FBXO38: variants seen among roughly 807,000 people sequenced by gnomAD.
FBXO38 encodes the protein F-box only protein 38.
FBXO38 carries 53 observed loss-of-function variants against 131.9 expected under a neutral mutation model. The observed-to-expected ratio is 0.40, with a 90% confidence interval of 0.32 to 0.51. FBXO38 has a LOEUF of 0.51. Ranked by LOEUF, FBXO38 falls within the 20% of genes least tolerant of loss-of-function variation. FBXO38 has a pLI of 0.53. For synonymous variants in FBXO38, 452 were observed against 505.6 expected (o/e 0.89, Z 1.42); for missense variants, 1,076 against 1,475.6 (o/e 0.73, Z 4.44).
intron 14 of FBXO38, 51 bp from the exon 15 acceptor site, chr5:148,427,162 A>G (rs374696576): frequency 1.0e-4 from 158 of 1,530,902 alleles, no homozygotes; most frequent in Middle Eastern, 1.8e-4. Context: ...TCCAGAATTT[A>G]TACTGAAATC....
At chr5:148,402,781 A>G (rs1752229395) in intron 5 of FBXO38, among the ~76,000 whole-genome samples, 1 of 152,158 alleles carries the variant, frequency 6.6e-6, no homozygotes, top group Admixed American at 6.6e-5. Context: ...AAAAGTGTAA[A>G]TATTTTCTCA....
intron 7 of FBXO38, among the ~76,000 whole-genome samples, chr5:148,408,078 G>T (rs1190947651): frequency 6.6e-6 from 1 of 151,944 alleles, no homozygotes; most frequent in Non-Finnish European, 1.5e-5. Flanking sequence ...GAGAAGACTT[G>T]AATAGAAAAG....
chr5:148,395,011 C>A, intron 2 of FBXO38, 107 bp downstream of exon 2: 1 of 1,140,820 alleles, frequency 8.8e-7, no homozygotes, highest in Non-Finnish European at 1.2e-6. Context: ...ATTTACATTT[C>A]AATTAAGTAA....
chr5:148,411,698 A>G (rs1336114799), intron 9 of FBXO38, among the ~76,000 whole-genome samples: 1 of 152,188 alleles, frequency 6.6e-6, no homozygotes, highest in African/African-American at 2.4e-5. Context: ...AAGTCAAGCC[A>G]TCCTTTTCTA....
chr5:148,439,694 C>G lies in FBXO38; in HGVS notation c.3072C>G (p.Pro1024=), dbSNP rs1252840008. The G allele has an allele frequency of 1.2e-6, 2 of 1,608,698 alleles. No individual in the cohort carries two copies. The highest frequency in any genetic ancestry group is 1.7e-6 in the Non-Finnish European group (2 of 1,179,728). ...LEQKLFSGPY[P]YHICIIHEFS... is the part of the protein sequence containing the mutation. ...AGAAGCTATTTAGTGGTCCCTACCC[C>G]TATCACATCTGTATTATCCATGAAT... The change falls in exon 19 of 22, where the codon CCC becomes CCG. Residue 1024 remains proline, a synonymous_variant. Transcript: ENST00000340253.
chr5:148,430,104 A>G (rs1436611461), intron 15 of FBXO38: 1 of 150,518 alleles, frequency 6.6e-6, no homozygotes, highest in Non-Finnish European at 1.5e-5. Flanking sequence ...TTTGGAAAAA[A>G]CAAGAAGTTA....
chr5:148,422,948 A>C lies in FBXO38; in HGVS notation c.1619-1050A>C, dbSNP rs527641677. ...TCGCATCTCTATCACAACACAGATA[A>C]CTGGTTTGTTTGTTTGTTTGTTTGT... On this transcript the variant is annotated intron_variant, in intron 12 of 21. Coordinates refer to ENST00000340253, the MANE Select transcript of FBXO38 (RefSeq NM_205836.3). 2.8e-5 allele frequency among the ~76,000 whole-genome samples: 4 copies of C among 145,098 alleles called. No homozygotes were observed. The South Asian group carries it at 9.0e-4, about 33-fold the overall frequency.
At position 148,416,040 on chromosome 5, in the gene FBXO38, A is replaced by G. The variant is rs1440716157; in HGVS notation, c.1377A>G (p.Ser459=). The G allele has an allele frequency of 6.2e-7, 1 of 1,609,886 alleles. No individual in the cohort carries two copies. Among genetic ancestry groups the G allele is most frequent in the Admixed American group, 1.7e-5 (1 of 59,404 alleles). The change falls in exon 11 of 22, where the codon TCA becomes TCG. Residue 459 remains serine (S), a synonymous_variant. Transcript: ENST00000340253. ...TATTACCCAGCCTAGAGTTTATTTC[A>G]CTGGATCAGATGTTTCGTGAACCAC... The part of the protein sequence containing the change: ...IELLPSLEFI[S]LDQMFREPPK...
intron 15 of FBXO38, chr5:148,433,134 T>G (rs888982014): frequency 3.9e-6 from 1 of 258,404 alleles, no homozygotes; most frequent in Non-Finnish European, 7.5e-6. Context: ...CAATAGTATT[T>G]AGGATGGGAT....
intron 14 of FBXO38, among the ~76,000 whole-genome samples, chr5:148,426,307 G>A (rs1019561983): frequency 3.6e-4 from 55 of 152,140 alleles, no homozygotes; most frequent in African/African-American, 1.3e-3. Flanking sequence ...TGCAAATTGT[G>A]CAGTCATTTT....
At chr5:148,395,891 C>T (rs543367809) in intron 2 of FBXO38, among the ~76,000 whole-genome samples, 3 of 152,006 alleles carry the variant, frequency 2.0e-5, no homozygotes, top group African/African-American at 7.2e-5. Context: ...ATTATGGTTG[C>T]AATAAACTTC....
intron 12 of FBXO38, among the ~76,000 whole-genome samples, chr5:148,421,204 TCCGCCCACCCTGG>T (rs1753406198): frequency 6.6e-6 from 1 of 152,118 alleles, no homozygotes; most frequent in African/African-American, 2.4e-5. Context: ...AACCTCACGA[TCCGCCCACCCTGG>T]CCTCCCAAAG....
Position 148,406,186 on chromosome 5 carries a change from T to G in FBXO38, c.731-71T>G, listed in dbSNP as rs188978267. 380 of 1,386,176 alleles carry G rather than the reference T, an allele frequency of 2.7e-4. 1 individual carries two copies. The Middle Eastern group carries it at 0.017, about 64-fold the overall frequency. The allele number at this position is 1,386,176 out of a possible 1,614,324, so 85.9% of individuals were successfully genotyped here. ...ACTTAGAGTTTATAAGTTATACATG[T>G]CTTTCACTGATTTGAAATTCATTTT... is the stretch of plus-strand genomic sequence containing the variant. On this transcript the variant is annotated intron_variant, in intron 6 of 21. Transcript: ENST00000340253.
At chr5:148,409,957 T>C (rs1189604844) in intron 8 of FBXO38, among the ~76,000 whole-genome samples, 1 of 152,252 alleles carries the variant, frequency 6.6e-6, no homozygotes, top group Non-Finnish European at 1.5e-5. Context: ...GATTCTCACA[T>C]TGACTCTTCA....
At chr5:148,406,862 G>A (rs1752474038) in intron 7 of FBXO38, among the ~76,000 whole-genome samples, 1 of 152,056 alleles carries the variant, frequency 6.6e-6, no homozygotes, top group African/African-American at 2.4e-5. Flanking sequence ...ATCAGATGAT[G>A]ATATTTAAAA....
chr5:148,393,185 A>AGG (rs1197576360), intron 1 of FBXO38, among the ~76,000 whole-genome samples: 136 of 83,446 alleles, frequency 1.6e-3, no homozygotes, highest in East Asian at 0.016. Flanking sequence ...ACAACAGAAG[A>AGG]GGGGTGTGTG....
intron 3 of FBXO38, 198 bp downstream of exon 3, chr5:148,399,330 T>G (rs896126443): frequency 6.9e-6 from 4 of 579,850 alleles, no homozygotes; most frequent in Non-Finnish European, 1.2e-5. Flanking sequence ...TTTAATAGTC[T>G]GCTCTTTTCA....
chr5:148,388,294 C>T (rs1758023033), intron 1 of FBXO38, among the ~76,000 whole-genome samples: 1 of 152,178 alleles, frequency 6.6e-6, no homozygotes, highest in Non-Finnish European at 1.5e-5. Flanking sequence ...GATTTAGCAT[C>T]ATTCTGAAGG....
At position 148,417,231 on chromosome 5, in the gene FBXO38, G is replaced by C. The variant is rs1334732460; in HGVS notation, c.1618+27G>C. ...TAACCCAGATCTTTTATGAGCTCCA[G>C]ATAGAAATGATTTTCACTTTGTATT... is the stretch of plus-strand genomic sequence containing the variant. On this transcript the variant is annotated intron_variant, in intron 12 of 21. Transcript: ENST00000340253. The C allele has an allele frequency of 2.1e-6, 3 of 1,436,568 alleles. No homozygotes were observed. In the South Asian group the frequency reaches 3.5e-5, roughly 17 times the overall value. 89.0% of individuals were successfully genotyped at this position (1,436,568 alleles called of 1,614,324 possible).
Sources: gnomAD v4.1 joint callset for allele counts (sites outside exome capture counted in the v4.1 genomes callset) on GRCh38, gnomAD v4.1.1 for gene constraint, MANE v1.5 for transcripts, NCBI Gene and HGNC (gene_info 2026-07-23, HGNC 2026-07-21) for gene names.